The following PTPRM variants were observed in gnomAD, a reference collection of about 807,000 sequenced individuals.
PTPRM encodes receptor-type tyrosine-protein phosphatase mu.
Under a neutral mutation model 186.7 loss-of-function variants are expected in PTPRM, and 47 were observed. The observed-to-expected ratio is 0.25, with a 90% CI of 0.20 to 0.32. The LOEUF is 0.32. Among genes scored for constraint, PTPRM ranks in the 10% least tolerant of loss-of-function variants. The pLI is 1.00. For missense variants in PTPRM, 1,494 were observed against 1,865.0 expected, an observed-to-expected ratio of 0.80 and a Z score of 3.66; for synonymous variants, 668 against 674.9, an observed-to-expected ratio of 0.99 and a Z score of 0.16.
intron 5 of PTPRM, among the ~76,000 whole-genome samples, chr18:7,943,701 C>CGT (rs2052341839): frequency 6.6e-6 from 1 of 152,122 alleles, no homozygotes; most frequent in Non-Finnish European, 1.5e-5. Context: ...TATTTTGCCT[C>CGT]GTGATCCCCT....
chr18:7,637,181 A>AC (rs2038335609), intron 1 of PTPRM, among the ~76,000 whole-genome samples: 1 of 151,858 alleles, frequency 6.6e-6, no homozygotes, highest in African/African-American at 2.4e-5. Flanking sequence ...AAAAAAAAAA[A>AC]AAAAACAGTG....
intron 19 of PTPRM, among the ~76,000 whole-genome samples, chr18:8,268,389 A>G (rs1969046028): frequency 6.6e-6 from 1 of 152,176 alleles, no homozygotes; most frequent in Non-Finnish European, 1.5e-5. Context: ...TCATGAAGAA[A>G]TAGAAAATTC....
intron 7 of PTPRM, among the ~76,000 whole-genome samples, chr18:8,027,252 A>G (rs1464713007): frequency 1.3e-5 from 2 of 152,246 alleles, no homozygotes; most frequent in South Asian, 2.1e-4. Context: ...TTTCAGTGAT[A>G]TATAATTCAA....
chr18:8,147,457 A>T (rs1251497934), intron 14 of PTPRM, among the ~76,000 whole-genome samples: 1 of 152,030 alleles, frequency 6.6e-6, no homozygotes, highest in Admixed American at 6.6e-5. Flanking sequence ...TTTGTCTGTT[A>T]TTGGTGTATA....
intron 2 of PTPRM, among the ~76,000 whole-genome samples, chr18:7,869,334 C>T (rs76296425): frequency 0.052 from 7,860 of 152,204 alleles, 263 homozygotes; most frequent in Middle Eastern, 0.19. Context: ...GCACAGGCAC[C>T]GGGGGGAATC....
At chr18:8,150,275 G>A (rs1365314723) in intron 14 of PTPRM, among the ~76,000 whole-genome samples, 1 of 152,118 alleles carries the variant, frequency 6.6e-6, no homozygotes, top group Non-Finnish European at 1.5e-5. Context: ...TCACTTTCAG[G>A]TACACCAATC....
chr18:8,111,322 T>C (rs1458174688), intron 11 of PTPRM, among the ~76,000 whole-genome samples: 1 of 152,158 alleles, frequency 6.6e-6, no homozygotes, highest in African/African-American at 2.4e-5. Context: ...TGTTAAAAAT[T>C]ATTATATTGG....
chr18:8,346,098 G>A (rs1449252579), intron 23 of PTPRM, among the ~76,000 whole-genome samples: 1 of 152,228 alleles, frequency 6.6e-6, no homozygotes, highest in African/African-American at 2.4e-5. Flanking sequence ...GAGCCAGCAT[G>A]GGAGTGCAGG....
At chr18:8,080,570 A>C (rs2090072888) in intron 9 of PTPRM, among the ~76,000 whole-genome samples, 1 of 152,184 alleles carries the variant, frequency 6.6e-6, no homozygotes, top group Non-Finnish European at 1.5e-5. Flanking sequence ...AGAATGGTCT[A>C]GATTTGCCAG....
At chr18:8,276,486 G>C (rs1306681619) in intron 19 of PTPRM, among the ~76,000 whole-genome samples, 8 of 152,190 alleles carry the variant, frequency 5.3e-5, no homozygotes, top group Non-Finnish European at 4.4e-5. Flanking sequence ...CCTCGTGGTG[G>C]TGGGAAGAGA....
intron 20 of PTPRM, among the ~76,000 whole-genome samples, chr18:8,304,274 AAGGGC>A (rs2147947324): frequency 6.6e-6 from 1 of 152,326 alleles, no homozygotes; most frequent in South Asian, 2.1e-4. Flanking sequence ...ACCTGATGGA[AAGGGC>A]AGAAATACCA....
At chr18:7,907,491 G>A (rs2050049607) in intron 4 of PTPRM, among the ~76,000 whole-genome samples, 1 of 152,188 alleles carries the variant, frequency 6.6e-6, no homozygotes, top group East Asian at 1.9e-4. Context: ...GGGAGCTGGC[G>A]CTGTGTCTCT....
intron 14 of PTPRM, among the ~76,000 whole-genome samples, chr18:8,235,231 A>G (rs2094330577): frequency 6.6e-6 from 1 of 152,066 alleles, no homozygotes; most frequent in Admixed American, 6.6e-5. Context: ...AAGGTTATTA[A>G]TTATTGACTC....
intron 21 of PTPRM, 66 bp from the exon 22 acceptor site, chr18:8,319,112 G>A (rs1231793876): frequency 1.9e-5 from 21 of 1,114,584 alleles, no homozygotes; most frequent in Non-Finnish European, 2.5e-5. Flanking sequence ...AGCAAAGTTA[G>A]CATGCGACTT....
intron 11 of PTPRM, among the ~76,000 whole-genome samples, chr18:8,104,078 G>T (rs968755037): frequency 6.6e-6 from 1 of 152,032 alleles, no homozygotes; most frequent in East Asian, 1.9e-4. Context: ...TCACCATAAC[G>T]GTTGTAATAA....
At chr18:8,245,258 C>T (rs182894057) in intron 15 of PTPRM, among the ~76,000 whole-genome samples, 22 of 152,150 alleles carry the variant, frequency 1.4e-4, no homozygotes, top group Non-Finnish European at 5.9e-5. Context: ...GGCTGAGCTC[C>T]GAATTCAGTC....
chr18:7,960,912 C>T (rs75829373), intron 7 of PTPRM, among the ~76,000 whole-genome samples: 1,811 of 152,174 alleles, frequency 0.012, 46 homozygotes, highest in African/African-American at 0.042. Context: ...TTTAAATACA[C>T]ATAACAAAAC....
intron 7 of PTPRM, among the ~76,000 whole-genome samples, chr18:8,069,109 C>CAAAA (rs71165767): frequency 6.4e-5 from 5 of 78,614 alleles, no homozygotes; most frequent in African/African-American, 1.0e-4. Context: ...GACTCCGTCT[C>CAAAA]AAAAAAAAAA....
At chr18:8,095,016 A>G (rs2090944295) in intron 11 of PTPRM, among the ~76,000 whole-genome samples, 1 of 152,116 alleles carries the variant, frequency 6.6e-6, no homozygotes, top group South Asian at 2.1e-4. Context: ...TACCCCTTAT[A>G]TCTTACAGCT....
Sources: allele counts gnomAD v4.1 joint callset (sites outside exome capture counted in the v4.1 genomes callset), GRCh38; gene constraint gnomAD v4.1.1; transcripts MANE v1.5; gene names NCBI Gene and HGNC (gene_info 2026-07-23, HGNC 2026-07-21).